Variants in ARID4B observed in about 807,000 individuals in gnomAD.
The protein encoded by ARID4B is AT-rich interactive domain-containing protein 4B.
A neutral mutation model predicts 147.5 loss-of-function variants in ARID4B; 26 were observed. The ratio of observed to expected loss-of-function variants is 0.18; its 90% confidence interval spans 0.13 to 0.24. ARID4B has a LOEUF of 0.24. Among genes scored for constraint, ARID4B ranks in the 10% least tolerant of loss-of-function variants. The pLI is 1.00. For synonymous variants in ARID4B, 512 were observed against 507.9 expected, an observed-to-expected ratio of 1.01 and a Z score of -0.11; for missense variants, 1,179 against 1,511.5, an observed-to-expected ratio of 0.78 and a Z score of 3.65.
intron 2 of ARID4B, among the ~76,000 whole-genome samples, chr1:235,262,101 C>T (rs182876271): frequency 6.6e-6 from 1 of 152,256 alleles, no homozygotes; most frequent in African/African-American, 2.4e-5. Context: ...TAACATCCTA[C>T]AGAAATCCCA....
intron 19 of ARID4B, among the ~76,000 whole-genome samples, chr1:235,193,248 T>C (rs1665251278): frequency 6.6e-6 from 1 of 152,114 alleles, no homozygotes; most frequent in Non-Finnish European, 1.5e-5. Context: ...AATATAAATA[T>C]TAGCCGGGCA....
At chr1:235,294,539 CAATT>C (rs1672561814) in intron 2 of ARID4B, among the ~76,000 whole-genome samples, 1 of 15,270 alleles carries the variant, frequency 6.5e-5, no homozygotes, top group African/African-American at 2.3e-4. Flanking sequence ...GGGGTTCAAG[CAATT>C]CTCCCGCTTG....
chr1:235,221,778 GA>G, intron 13 of ARID4B, 116 bp from the exon 14 acceptor site: 1 of 381,756 alleles, frequency 2.6e-6, no homozygotes, highest in Non-Finnish European at 4.5e-6. Flanking sequence ...AGACTCAAAA[GA>G]ATTTTTAAAA....
At position 235,215,631 on chromosome 1, in the gene ARID4B, G is replaced by A. The variant is rs1007456907; in HGVS notation, c.1584-1605C>T. Among the ~76,000 whole-genome samples the A allele has an allele frequency of 2.7e-5, 4 of 150,024 alleles. 1 individual carries two copies. Among genetic ancestry groups the A allele is most frequent in the African/African-American group, 2.4e-5 (1 of 40,936 alleles). On this transcript the variant is annotated intron_variant, in intron 16 of 23. Coordinates refer to ENST00000264183, the MANE Select transcript of ARID4B (RefSeq NM_016374.6). ...ATGGTCTCACTGTGTCATCCAGGTT[G>A]GAGTGAAGTGGCCTGATCACTGCTC... is the stretch of plus-strand genomic sequence containing the variant.
At chr1:235,226,086 A>C (rs1460231823) in intron 11 of ARID4B, among the ~76,000 whole-genome samples, 1 of 152,204 alleles carries the variant, frequency 6.6e-6, no homozygotes, top group Non-Finnish European at 1.5e-5. Flanking sequence ...TCCTATTCCA[A>C]AAACATTTAA....
chr1:235,281,842 A>G lies in ARID4B; in HGVS notation c.7-21090T>C, dbSNP rs184645007. ...TAAAAACCTGTTCTTTATACAATTC[A>G]GAAGACCAATAAGAAATGCTGAAAA... On this transcript the variant is annotated intron_variant, in intron 2 of 23. Coordinates refer to ENST00000264183, the MANE Select transcript of ARID4B (RefSeq NM_016374.6). Among the ~76,000 whole-genome samples, 5 of 152,376 alleles carry G rather than the reference A, an allele frequency of 3.3e-5. No homozygotes were observed. In the East Asian group the frequency reaches 9.6e-4, roughly 29 times the overall value.
At chr1:235,175,654 T>A in intron 21 of ARID4B, 1 of 427,708 alleles carries the variant, frequency 2.3e-6, no homozygotes, top group Non-Finnish European at 4.2e-6. Flanking sequence ...CTTGGTAGAC[T>A]GTCAAATATA....
At chr1:235,255,832 G>T in intron 4 of ARID4B, 82 bp from the exon 5 acceptor site, 2 of 886,700 alleles carry the variant, frequency 2.3e-6, no homozygotes, top group Non-Finnish European at 3.6e-6. Context: ...TCTTTTAACT[G>T]AGTGCATGAT....
At chr1:235,297,646 GA>G (rs1294648836) in intron 2 of ARID4B, among the ~76,000 whole-genome samples, 2 of 152,032 alleles carry the variant, frequency 1.3e-5, no homozygotes, top group Non-Finnish European at 2.9e-5. Flanking sequence ...CAGCAATACT[GA>G]AAGTGAACCA....
chr1:235,185,817 T>C (rs1227434717), intron 19 of ARID4B, among the ~76,000 whole-genome samples: 1 of 152,216 alleles, frequency 6.6e-6, no homozygotes, highest in Non-Finnish European at 1.5e-5. Context: ...CTTCCTTTGG[T>C]TTCTCATTCC....
At chr1:235,218,710 C>T (rs144959890) in intron 16 of ARID4B, among the ~76,000 whole-genome samples, 1 of 152,194 alleles carries the variant, frequency 6.6e-6, no homozygotes, top group Admixed American at 6.5e-5. Context: ...TAGTCTCCAA[C>T]AGCAGTAAGG....
chr1:235,277,019 T>C (rs1051740135), intron 2 of ARID4B, among the ~76,000 whole-genome samples: 1 of 145,796 alleles, frequency 6.9e-6, no homozygotes, highest in African/African-American at 2.5e-5. Flanking sequence ...AAAAAAAAGA[T>C]ATGTTCTGGC....
intron 19 of ARID4B, chr1:235,190,036 A>G (rs1285846903): frequency 6.5e-6 from 1 of 154,406 alleles, no homozygotes. Flanking sequence ...ATGAAAATAT[A>G]TCTACACAAG....
Position 235,293,312 on chromosome 1 carries a change from C to A in ARID4B, c.7-32560G>T, listed in dbSNP as rs1404644786. Reference sequence around the variant, plus strand: ...TACTGATCATTAACACAAACTTCTACAAGTAAAAAAATTTTATATAATGAA... The same window carrying A: ...TACTGATCATTAACACAAACTTCTAAAAGTAAAAAAATTTTATATAATGAA... On this transcript the variant is annotated intron_variant, in intron 2 of 23. Coordinates refer to ENST00000264183, the MANE Select transcript of ARID4B (RefSeq NM_016374.6). Among the ~76,000 whole-genome samples, 3 of 152,164 alleles carry A rather than the reference C, an allele frequency of 2.0e-5. No homozygotes were observed. The East Asian group carries it at 5.8e-4, about 29-fold the overall frequency.
chr1:235,218,812 T>G (rs905965718), intron 16 of ARID4B, among the ~76,000 whole-genome samples: 1 of 151,910 alleles, frequency 6.6e-6, no homozygotes, highest in African/African-American at 2.4e-5. Context: ...TTTTTTATTT[T>G]CCCCTTCCCT....
rs1558233362 is a variant in ARID4B at position 235,236,834 on chromosome 1, A to ATATATATATATATATATATATGTG, written c.586-2343_586-2342insCACATATATATATATATATATATA. 1.7e-3 allele frequency among the ~76,000 whole-genome samples: 36 copies of ATATATATATATATATATATATGTG among 21,154 alleles called. No individual in the cohort carries two copies. In the South Asian group the frequency reaches 0.017, roughly 10 times the overall value. The allele number at this position is 21,154 out of a possible 152,430, so 13.9% of individuals were successfully genotyped here. On this transcript the variant is annotated intron_variant, in intron 8 of 23. Transcript: ENST00000264183. ...GGCCCACAAAACGGTTTTATAAAAAATATATATATATATATATATATATAT... is the reference window on the plus strand; with the variant it reads ...GGCCCACAAAACGGTTTTATAAAAAATATATATATATATATATATATGTGTATATATATATATATATATATATAT...
chr1:235,291,664 C>T (rs1672345828), intron 2 of ARID4B, among the ~76,000 whole-genome samples: 1 of 151,512 alleles, frequency 6.6e-6, no homozygotes, highest in Non-Finnish European at 1.5e-5. Context: ...GGCCAAACCC[C>T]GTCTCTACTA....
intron 7 of ARID4B, among the ~76,000 whole-genome samples, chr1:235,241,474 T>C (rs1668975340): frequency 6.6e-6 from 1 of 152,160 alleles, no homozygotes; most frequent in South Asian, 2.1e-4. Context: ...GTAACCGTCA[T>C]GCCTTTATAT....
intron 2 of ARID4B, among the ~76,000 whole-genome samples, chr1:235,271,096 T>C (rs1353934901): frequency 6.6e-6 from 1 of 152,156 alleles, no homozygotes; most frequent in African/African-American, 2.4e-5. Flanking sequence ...GCCAGTCCTG[T>C]AATCCCAGCA....
Sources: allele counts gnomAD v4.1 joint callset (sites outside exome capture counted in the v4.1 genomes callset), GRCh38; gene constraint gnomAD v4.1.1; transcripts MANE v1.5; gene names NCBI Gene and HGNC (gene_info 2026-07-23, HGNC 2026-07-21).